The following CHRDL1 variants were observed in gnomAD, a reference collection of about 807,000 sequenced individuals.
CHRDL1 encodes chordin-like protein 1.
CHRDL1 carries 19 observed loss-of-function variants against 40.9 expected under a neutral mutation model. The observed-to-expected ratio is 0.46, with a 90% CI of 0.32 to 0.68. The LOEUF is 0.68. CHRDL1 is among the 30% of genes least tolerant of loss of function. The probability of loss-of-function intolerance (pLI) is 0.03; values close to 1 mark genes in which losing one functional copy is unlikely to be tolerated. For missense variants in CHRDL1, 329 were observed against 352.1 expected, an observed-to-expected ratio of 0.93 and a Z score of 0.53; for synonymous variants, 136 against 123.4, an observed-to-expected ratio of 1.10 and a Z score of -0.68.
intron 11 of CHRDL1, among the ~76,000 whole-genome samples, chrX:110,678,367 T>C (rs1160366046): frequency 8.9e-6 from 1 of 111,906 alleles, no homozygotes; most frequent in East Asian, 2.8e-4. Context: ...ACTGGCTTTT[T>C]TTCAGGCCCT....
chrX:110,705,128 A>G (rs2070596882), intron 6 of CHRDL1, among the ~76,000 whole-genome samples: 1 of 108,431 alleles, frequency 9.2e-6, no homozygotes, highest in Non-Finnish European at 1.9e-5. Flanking sequence ...TAAGATGGAA[A>G]ATCAAGGAGG....
At chrX:110,712,314 C>T (rs1001040901) in intron 6 of CHRDL1, among the ~76,000 whole-genome samples, 5 of 110,890 alleles carry the variant, frequency 4.5e-5, no homozygotes, top group Admixed American at 9.7e-5. Context: ...AGAAGAGGAG[C>T]GGGGGCTATT....
At chrX:110,760,277 C>T (rs965399948) in intron 3 of CHRDL1, among the ~76,000 whole-genome samples, 2 of 112,042 alleles carry the variant, frequency 1.8e-5, no homozygotes, top group Non-Finnish European at 3.8e-5. Context: ...CTTCTGAGGA[C>T]GAGCTAGAGT....
At chrX:110,766,322 C>T (rs2089661397) in intron 2 of CHRDL1, among the ~76,000 whole-genome samples, 1 of 110,057 alleles carries the variant, frequency 9.1e-6, no homozygotes, top group Non-Finnish European at 1.9e-5. Flanking sequence ...AACCCAAACC[C>T]AGCAGAAGAA....
intron 6 of CHRDL1, among the ~76,000 whole-genome samples, chrX:110,702,920 A>G (rs1300366467): frequency 8.9e-6 from 1 of 112,049 alleles, no homozygotes; most frequent in Non-Finnish European, 1.9e-5. Context: ...TACTTATTCA[A>G]TATTTGTCGA....
At chrX:110,689,526 A>ATCTATATATCTCTATATC (rs2070134849) in intron 8 of CHRDL1, among the ~76,000 whole-genome samples, 2 of 50,101 alleles carry the variant, frequency 4.0e-5, no homozygotes, top group Non-Finnish European at 6.0e-5. Context: ...CTATATATCT[A>ATCTATATATCTCTATATC]TCTATATATC....
At chrX:110,719,994 C>A (rs993102491) in intron 5 of CHRDL1, 66 bp from the exon 6 acceptor site, 2 of 680,140 alleles carry the variant, frequency 2.9e-6, no homozygotes, top group Non-Finnish European at 4.5e-6. Context: ...TCACTTAATA[C>A]CTGAAATAGA....
intron 1 of CHRDL1, 38 bp from the exon 2 acceptor site, chrX:110,792,253 T>C (rs919137202): frequency 3.4e-6 from 2 of 594,375 alleles, no homozygotes; most frequent in Non-Finnish European, 5.4e-6. Context: ...TTAACACAGA[T>C]CTTCTGGAAA....
chrX:110,695,837 G>A (rs977614695), intron 7 of CHRDL1, among the ~76,000 whole-genome samples: 13 of 112,244 alleles, frequency 1.2e-4, no homozygotes, highest in Non-Finnish European at 2.3e-4. Context: ...AGGAGCTGAA[G>A]TAAGAGGACC....
chrX:110,684,472 C>T (rs1365827918), intron 9 of CHRDL1, among the ~76,000 whole-genome samples: 1 of 111,764 alleles, frequency 8.9e-6, no homozygotes. Context: ...GGACTCTATT[C>T]AAATATCTTT....
At chrX:110,765,565 A>G (rs1258988153) in intron 2 of CHRDL1, among the ~76,000 whole-genome samples, 4 of 111,689 alleles carry the variant, frequency 3.6e-5, no homozygotes, top group Non-Finnish European at 5.6e-5. Context: ...GGACCCCCAC[A>G]TTTATGTTTT....
intron 4 of CHRDL1, among the ~76,000 whole-genome samples, chrX:110,738,811 C>T (rs2071310498): frequency 9.1e-6 from 1 of 110,369 alleles, no homozygotes; most frequent in African/African-American, 3.3e-5. Context: ...TGTTAAAGGA[C>T]TCTGAATGCC....
At chrX:110,731,788 C>T (rs1253821802) in intron 4 of CHRDL1, among the ~76,000 whole-genome samples, 1 of 111,040 alleles carries the variant, frequency 9.0e-6, no homozygotes, top group Non-Finnish European at 1.9e-5. Context: ...AAGAAGAACA[C>T]TGGATGCCAG....
intron 6 of CHRDL1, among the ~76,000 whole-genome samples, chrX:110,714,572 G>C (rs1452790216): frequency 1.8e-5 from 2 of 111,101 alleles, no homozygotes; most frequent in Non-Finnish European, 3.8e-5. Flanking sequence ...TCCTAATGAG[G>C]TTTGCTGAAG....
chrX:110,788,633 C>A (rs1397536581), intron 2 of CHRDL1, among the ~76,000 whole-genome samples: 4 of 111,971 alleles, frequency 3.6e-5, no homozygotes, highest in Non-Finnish European at 7.5e-5. Context: ...GAAAACCCCT[C>A]TGTTTCTTCA....
At chrX:110,737,653 C>G (rs1569475800) in intron 4 of CHRDL1, among the ~76,000 whole-genome samples, 1 of 111,580 alleles carries the variant, frequency 9.0e-6, no homozygotes, top group South Asian at 3.8e-4. Flanking sequence ...TTTTACTGCC[C>G]GTACTGGACA....
At chrX:110,734,496 A>C (rs1041523004) in intron 4 of CHRDL1, among the ~76,000 whole-genome samples, 1 of 111,758 alleles carries the variant, frequency 8.9e-6, no homozygotes, top group Non-Finnish European at 1.9e-5. Flanking sequence ...ATCTCATTAC[A>C]TAAGCCTCCT....
intron 6 of CHRDL1, among the ~76,000 whole-genome samples, chrX:110,706,363 G>A (rs2070639399): frequency 8.9e-6 from 1 of 112,044 alleles, no homozygotes; most frequent in Admixed American, 9.5e-5. Context: ...ATAAAAACAA[G>A]TGTAGTGTAC....
In CHRDL1 at chrX:110,762,753, C is replaced by T; in HGVS notation, c.149G>A (p.Trp50Ter). 1 of 1,191,152 alleles carries T rather than the reference C, an allele frequency of 8.4e-7. No individual in the cohort carries two copies. The highest frequency in any genetic ancestry group is 1.1e-6 in the Non-Finnish European group (1 of 878,788). Residue 50 changes from tryptophan to a stop codon, truncating the protein, a stop_gained, in exon 3 of 12, where the codon TGG becomes TAG. Transcript: ENST00000372042. LOFTEE classifies it high-confidence loss of function. ...CCCATAAGGTTCCAGGTAAGGATGC[C>T]ATCTCTCACCCACTCTGTACTTCTT... ...QDKKYRVGERWHPYLEPYGLV... is the reference protein window; with the variant it reads ...QDKKYRVGER
Sources: gnomAD v4.1 joint callset for allele counts (sites outside exome capture counted in the v4.1 genomes callset) on GRCh38, gnomAD v4.1.1 for gene constraint, MANE v1.5 for transcripts, NCBI Gene and HGNC (gene_info 2026-07-23, HGNC 2026-07-21) for gene names.